COL4A6: variants seen among roughly 807,000 people sequenced by gnomAD.
COL4A6 encodes collagen alpha-6(IV) chain.
COL4A6 carries 59 observed loss-of-function variants against 126.7 expected under a neutral mutation model. The observed-to-expected ratio is 0.47, with a 90% CI of 0.38 to 0.58. The LOEUF (loss-of-function observed/expected upper bound fraction) is 0.58. COL4A6 is among the 20% of genes least tolerant of loss of function. The pLI is 0.00. For missense variants in COL4A6, 1,285 were observed against 1,337.3 expected (o/e 0.96, Z 0.61); for synonymous variants, 547 against 496.6 (o/e 1.10, Z -1.35).
At chrX:108,157,609 G>A (rs3765293) in intron 44 of COL4A6, among the ~76,000 whole-genome samples, 55,410 of 110,070 alleles carry the variant, frequency 0.5, 11,018 homozygotes, top group African/African-American at 0.7. Flanking sequence ...AAATTTCCTC[G>A]GACAAATGGA....
chrX:108,193,661 C>T lies in COL4A6; in HGVS notation c.1039G>A (p.Val347Ile), dbSNP rs777369563. The change falls in exon 17 of 45, where the codon GTT becomes ATT. Residue 347 changes from valine (V) to isoleucine (I), a missense_variant. Physicochemically the swap from Val to Ile is conservative, Grantham distance 29. Coordinates refer to ENST00000334504, the MANE Select transcript of COL4A6 (RefSeq NM_033641.4). ...KGDIGLPGPD[V>I]FIDIDGAVIS... ...ACAGCACCATCTATATCGATGAAAACATCTGGGCCTGGCAGGCCAATGTCA... is the reference window on the plus strand; with the variant it reads ...ACAGCACCATCTATATCGATGAAAATATCTGGGCCTGGCAGGCCAATGTCA... 3 of 1,209,805 alleles carry T rather than the reference C, an allele frequency of 2.5e-6. No individual in the cohort carries two copies. Among genetic ancestry groups the T allele is most frequent in the African/African-American group, 1.7e-5 (1 of 57,819 alleles).
Position 108,159,703 on chromosome X carries a change from A to G in COL4A6, c.4571T>C (p.Ile1524Thr). 8.3e-7 allele frequency: 1 copy of G among 1,211,905 alleles called. No homozygotes were observed. The highest frequency in any genetic ancestry group is 1.1e-6 in the Non-Finnish European group (1 of 895,547). Residue 1524 changes from isoleucine (I) to threonine (T), a missense_variant, in exon 44 of 45, where the codon ATC becomes ACC. Ile to Thr is a moderately conservative substitution (Grantham distance 89). Transcript: ENST00000334504. ...CLPRFSTMPF[I>T]YCNINEVCHY... ...GCACACCTCGTTGATGTTGCAGTAG[A>G]TGAAGGGCATGGTGCTGAAGCGGGG...
At chrX:108,435,799 C>T (rs747492739) in intron 2 of COL4A6, among the ~76,000 whole-genome samples, 40 of 112,138 alleles carry the variant, frequency 3.6e-4, no homozygotes, top group African/African-American at 1.3e-3. Flanking sequence ...CAGCTTAATT[C>T]TCACAGTAAA....
intron 2 of COL4A6, among the ~76,000 whole-genome samples, chrX:108,403,233 GCTCTCTCTCTCTCTCT>G (rs59212608): frequency 0.016 from 985 of 62,313 alleles, 12 homozygotes; most frequent in East Asian, 0.058. Flanking sequence ...GCAAAGATTA[GCTCTCTCTCTCTCTCT>G]CTCTCTCTCT....
rs1793724162 is a variant in COL4A6, at chrX:108,159,621, G to A, written c.4653C>T (p.Pro1551=). The A allele has an allele frequency of 1.6e-6, 2 of 1,212,419 alleles. No homozygotes were observed. The highest frequency in any genetic ancestry group is 2.2e-6 in the Non-Finnish European group (2 of 895,652). ...TCTGGGTCTGGCTGACGGGCATCAT[G>A]GGGATAGGGGCGGTAGTGGAGAGCC... ...SYWLSTTAPI[P]MMPVSQTQIP... Residue 1551 remains proline (P), a synonymous_variant, in exon 44 of 45, where the codon CCC becomes CCT. Coordinates refer to ENST00000334504, the MANE Select transcript of COL4A6 (RefSeq NM_033641.4).
chrX:108,256,302 G>C (rs1377186921), intron 3 of COL4A6, among the ~76,000 whole-genome samples: 1 of 111,713 alleles, frequency 9.0e-6, no homozygotes, highest in African/African-American at 3.3e-5. Flanking sequence ...ATTTTGACTT[G>C]GATTTGGTGA....
At chrX:108,395,922 G>T (rs1045513643) in intron 2 of COL4A6, among the ~76,000 whole-genome samples, 1 of 111,501 alleles carries the variant, frequency 9.0e-6, no homozygotes, top group African/African-American at 3.3e-5. Flanking sequence ...AAACATGGCT[G>T]ATCCAGGACC....
intron 2 of COL4A6, among the ~76,000 whole-genome samples, chrX:108,358,074 C>A (rs1265951904): frequency 1.8e-5 from 2 of 111,599 alleles, no homozygotes; most frequent in Admixed American, 9.5e-5. Context: ...TTGCCTGACA[C>A]CTTCCCCAAA....
intron 5 of COL4A6, among the ~76,000 whole-genome samples, chrX:108,217,094 C>T (rs1356001474): frequency 8.9e-6 from 1 of 112,152 alleles, no homozygotes; most frequent in Non-Finnish European, 1.9e-5. Context: ...CTTGTTTGCT[C>T]ACTCTCTTGA....
chrX:108,405,035 A>AAC lies in COL4A6; in HGVS notation c.63+32905_63+32906dup, dbSNP rs199541857. ...ATGGAAAAAGAAACACACAAACACA[A>AAC]ACACACACACACACGTAGAAGTGAA... is the stretch of plus-strand genomic sequence containing the variant. On this transcript the variant is annotated intron_variant, in intron 2 of 44. Transcript: ENST00000334504. 7.3e-3 allele frequency among the ~76,000 whole-genome samples: 802 copies of AAC among 110,391 alleles called. 2 individuals carry two copies. The highest frequency in any genetic ancestry group is 0.036 in the East Asian group (126 of 3,510).
rs748484777 is a variant in COL4A6 at position 108,222,209 on chromosome X, CAACACAG to C, written c.145-842_145-836del. On this transcript the variant is annotated intron_variant, in intron 3 of 44. Transcript: ENST00000334504. Reference sequence around the variant, plus strand: ...GACTGAGTATTAACCCTAGTGGGTGCAACACAGGCAGGCTGGTCTATCATTTAGAACA... The same window carrying C: ...GACTGAGTATTAACCCTAGTGGGTGCGCAGGCTGGTCTATCATTTAGAACA... 1.0e-3 allele frequency among the ~76,000 whole-genome samples: 116 copies of C among 112,386 alleles called. 4 individuals are homozygous for C. The East Asian group carries it at 0.032, about 31-fold the overall frequency.
chrX:108,156,738 A>G lies in COL4A6; in HGVS notation c.*262T>C, dbSNP rs2033749176. ...CCCATCAAATCTTTCTGAGGTAGCC[A>G]TGAATAGTCACACAATCATCCAAAT... On this transcript the variant is annotated 3_prime_UTR_variant, in exon 45 of 45. Coordinates refer to ENST00000334504, the MANE Select transcript of COL4A6 (RefSeq NM_033641.4). The G allele has an allele frequency of 2.5e-6, 1 of 397,316 alleles. No individual in the cohort carries two copies. The highest frequency in any genetic ancestry group is 4.6e-5 in the Admixed American group (1 of 21,967). The allele number at this position is 397,316 out of a possible 1,213,427, so 32.7% of individuals were successfully genotyped here.
intron 2 of COL4A6, among the ~76,000 whole-genome samples, chrX:108,322,898 T>G (rs1199537883): frequency 8.9e-6 from 1 of 112,376 alleles, no homozygotes; most frequent in Non-Finnish European, 1.9e-5. Flanking sequence ...ACTTAAGATA[T>G]ATTTGTTATT....
At chrX:108,341,215 G>A (rs900820918) in intron 2 of COL4A6, among the ~76,000 whole-genome samples, 2 of 111,031 alleles carry the variant, frequency 1.8e-5, no homozygotes, top group Admixed American at 9.5e-5. Context: ...AGTTGTTCTC[G>A]CCACTTGGAA....
At chrX:108,190,352 G>A in intron 20 of COL4A6, 40 bp downstream of exon 20, 1 of 979,925 alleles carries the variant, frequency 1.0e-6, no homozygotes, top group South Asian at 2.1e-5. Context: ...CCTTCTCTAA[G>A]GAGTTTGGAG....
At chrX:108,246,573 C>T in intron 3 of COL4A6, among the ~76,000 whole-genome samples, 1 of 111,814 alleles carries the variant, frequency 8.9e-6, no homozygotes. Context: ...TATGGTTTGC[C>T]AATCTATGAT....
At chrX:108,263,515 C>A (rs1382501563) in intron 3 of COL4A6, among the ~76,000 whole-genome samples, 1 of 111,941 alleles carries the variant, frequency 8.9e-6, no homozygotes, top group African/African-American at 3.2e-5. Flanking sequence ...ATTCTACCCC[C>A]ATACTTCCAA....
intron 3 of COL4A6, among the ~76,000 whole-genome samples, chrX:108,297,548 G>C (rs1205114168): frequency 9.0e-6 from 1 of 110,566 alleles, no homozygotes; most frequent in Admixed American, 9.6e-5. Flanking sequence ...ATGTTCCCTG[G>C]GGGGCAATAT....
intron 3 of COL4A6, among the ~76,000 whole-genome samples, chrX:108,265,506 A>G (rs1325060911): frequency 9.1e-6 from 1 of 110,472 alleles, no homozygotes; most frequent in East Asian, 2.9e-4. Context: ...ACATGGTGCT[A>G]AGGGATTACG....
Sources: allele counts gnomAD v4.1 joint callset (sites outside exome capture counted in the v4.1 genomes callset), GRCh38; gene constraint gnomAD v4.1.1; transcripts MANE v1.5; gene names NCBI Gene and HGNC (gene_info 2026-07-23, HGNC 2026-07-21).